The following INPP4B variants were observed in gnomAD, a reference collection of about 807,000 sequenced individuals.
The protein encoded by INPP4B is inositol polyphosphate 4-phosphatase type II.
In INPP4B, 55 loss-of-function variants were observed where a neutral mutation model predicts 122.5. The observed-to-expected ratio is 0.45, with a 90% CI of 0.36 to 0.56. INPP4B has a LOEUF of 0.56. Among genes scored for constraint, INPP4B ranks in the 20% least tolerant of loss-of-function variants. The pLI is 0.00. For missense variants in INPP4B, 1,000 were observed against 1,097.7 expected, an observed-to-expected ratio of 0.91 and a Z score of 1.26; for synonymous variants, 403 against 388.7, an observed-to-expected ratio of 1.04 and a Z score of -0.43.
intron 2 of INPP4B, chr4:142,496,982 C>T (rs1457569936): frequency 1.3e-5 from 2 of 151,822 alleles, no homozygotes; most frequent in Non-Finnish European, 2.9e-5. Context: ...AAAAGGATAT[C>T]TGTATAAATG....
intron 15 of INPP4B, among the ~76,000 whole-genome samples, chr4:142,178,040 C>T (rs6844562): frequency 0.022 from 3,320 of 152,196 alleles, 141 homozygotes; most frequent in African/African-American, 0.075. Flanking sequence ...TGGACTTTCC[C>T]GCTGGACTCC....
chr4:142,622,762 C>T (rs1295557411), intron 2 of INPP4B, among the ~76,000 whole-genome samples: 2 of 151,950 alleles, frequency 1.3e-5, no homozygotes, highest in African/African-American at 4.8e-5. Flanking sequence ...ATCTTAGACC[C>T]TTATTTTGTT....
chr4:142,684,334 C>T (rs1759050365), intron 2 of INPP4B, among the ~76,000 whole-genome samples: 1 of 151,958 alleles, frequency 6.6e-6, no homozygotes, highest in Admixed American at 6.6e-5. Flanking sequence ...GGGAATAATC[C>T]CTTTGTGGAG....
At chr4:142,174,225 G>T (rs1364661680) in intron 15 of INPP4B, among the ~76,000 whole-genome samples, 1 of 152,120 alleles carries the variant, frequency 6.6e-6, no homozygotes. Flanking sequence ...ATCCTGGTTT[G>T]TCACTAACTA....
chr4:142,705,683 C>T (rs1473090766), intron 2 of INPP4B, among the ~76,000 whole-genome samples: 1 of 152,112 alleles, frequency 6.6e-6, no homozygotes, highest in South Asian at 2.1e-4. Context: ...GTGCTACTTT[C>T]AACAATCTAT....
intron 2 of INPP4B, among the ~76,000 whole-genome samples, chr4:142,537,400 GTATATATATATATA>G (rs34425745): frequency 6.1e-5 from 2 of 32,984 alleles, no homozygotes; most frequent in Admixed American, 2.7e-4. Context: ...TTTACATACA[GTATATATATATATA>G]TATATATATA....
intron 1 of INPP4B, among the ~76,000 whole-genome samples, chr4:142,730,485 A>T (rs1357645249): frequency 6.6e-6 from 1 of 152,168 alleles, no homozygotes; most frequent in Non-Finnish European, 1.5e-5. Context: ...GTTCTATCCC[A>T]GTTCCATTCT....
chr4:142,829,089 C>T (rs1781787205), intron 1 of INPP4B, among the ~76,000 whole-genome samples: 1 of 150,972 alleles, frequency 6.6e-6, no homozygotes, highest in Non-Finnish European at 1.5e-5. Flanking sequence ...AATAACTATG[C>T]ATGAAGTGCC....
At chr4:142,316,415 T>A (rs6847957) in intron 7 of INPP4B, among the ~76,000 whole-genome samples, 1 of 152,126 alleles carries the variant, frequency 6.6e-6, no homozygotes, top group Non-Finnish European at 1.5e-5. Flanking sequence ...CAATGTATTG[T>A]GTGTGCATGG....
intron 2 of INPP4B, among the ~76,000 whole-genome samples, chr4:142,664,418 G>A (rs568230674): frequency 7.2e-4 from 109 of 152,078 alleles, no homozygotes; most frequent in Middle Eastern, 3.4e-3. Context: ...AGAACAGGTC[G>A]TTGCCATCCA....
chr4:142,629,426 G>A (rs747822900), intron 2 of INPP4B, among the ~76,000 whole-genome samples: 1 of 152,050 alleles, frequency 6.6e-6, no homozygotes, highest in Non-Finnish European at 1.5e-5. Flanking sequence ...CAGGATAAAT[G>A]CAGAGATTCT....
intron 16 of INPP4B, among the ~76,000 whole-genome samples, chr4:142,162,221 A>G (rs1718947052): frequency 6.6e-6 from 1 of 151,566 alleles, no homozygotes; most frequent in Non-Finnish European, 1.5e-5. Flanking sequence ...AGAATAAATC[A>G]GAAAAACAAA....
intron 11 of INPP4B, among the ~76,000 whole-genome samples, chr4:142,251,023 G>T (rs927976108): frequency 6.6e-6 from 1 of 152,100 alleles, no homozygotes; most frequent in African/African-American, 2.4e-5. Context: ...AATTAGTATG[G>T]CTTCCAACAC....
chr4:142,773,828 G>A (rs1416035720), intron 1 of INPP4B, among the ~76,000 whole-genome samples: 1 of 152,156 alleles, frequency 6.6e-6, no homozygotes, highest in Non-Finnish European at 1.5e-5. Flanking sequence ...TGTTTCCCCA[G>A]AAGAGAATGA....
At chr4:142,377,596 T>C (rs1792435649) in intron 7 of INPP4B, among the ~76,000 whole-genome samples, 2 of 152,096 alleles carry the variant, frequency 1.3e-5, no homozygotes, top group Admixed American at 1.3e-4. Context: ...ATAGGCATAT[T>C]GCCATCTGTA....
In INPP4B at chr4:142,621,150, G is replaced by A. The variant is rs149687862; in HGVS notation, c.-191+104689C>T. On this transcript the variant is annotated intron_variant, in intron 2 of 25. Transcript: ENST00000262992. ...ATTATTCACTGATTCTGATTATTGC[G>A]TGGTCTGCTACTTTATTATGCAAAT... Among the ~76,000 whole-genome samples the A allele has an allele frequency of 3.0e-4, 45 of 151,688 alleles. 1 individual carries two copies. The highest frequency in any genetic ancestry group is 1.0e-3 in the African/African-American group (42 of 41,412).
At chr4:142,807,061 A>G (rs1383771770) in intron 1 of INPP4B, among the ~76,000 whole-genome samples, 1 of 152,166 alleles carries the variant, frequency 6.6e-6, no homozygotes, top group East Asian at 1.9e-4. Context: ...TTGCTTTGCT[A>G]TAAATTTTTT....
chr4:142,742,432 T>C (rs760095728), intron 1 of INPP4B, among the ~76,000 whole-genome samples: 6 of 152,076 alleles, frequency 3.9e-5, no homozygotes, highest in Admixed American at 2.6e-4. Flanking sequence ...AATCCCCATC[T>C]TGAGTTGACT....
intron 1 of INPP4B, among the ~76,000 whole-genome samples, chr4:142,772,286 CT>C (rs1773199899): frequency 6.6e-6 from 1 of 152,048 alleles, no homozygotes; most frequent in African/African-American, 2.4e-5. Context: ...GAGGCCTGTC[CT>C]TAAGGAGCTT....
Sources: allele counts gnomAD v4.1 joint callset (sites outside exome capture counted in the v4.1 genomes callset), GRCh38; gene constraint gnomAD v4.1.1; transcripts MANE v1.5; gene names NCBI Gene and HGNC (gene_info 2026-07-23, HGNC 2026-07-21).